ZHX3: variants seen among roughly 807,000 people sequenced by gnomAD.
The protein encoded by ZHX3 is zinc fingers and homeoboxes 3, also known as zinc fingers and homeoboxes protein 3.
Under a neutral mutation model 64.5 loss-of-function variants are expected in ZHX3, and 20 were observed. The observed-to-expected ratio is 0.31, with a 90% CI of 0.22 to 0.45. ZHX3 has a LOEUF of 0.45. Among genes scored for constraint, ZHX3 ranks in the 20% least tolerant of loss-of-function variants. ZHX3 has a pLI of 1.00. For synonymous variants in ZHX3, 423 were observed against 461.6 expected (o/e 0.92, Z 1.07); for missense variants, 1,041 against 1,195.8 (o/e 0.87, Z 1.91).
In ZHX3 at chr20:41,202,120, G is replaced by C; in HGVS notation, c.2797C>G (p.Arg933Gly). 6.2e-7 allele frequency: 1 copy of C among 1,613,856 alleles called. No individual in the cohort carries two copies. Among genetic ancestry groups the C allele is most frequent in the South Asian group, 1.1e-5 (1 of 91,004 alleles). Reference sequence around the variant, plus strand: ...GGCTCTGAGCTGGCCTCAGGGACACGGGGCTCCCACGACTCACTGTTCTCA... The same window carrying C: ...GGCTCTGAGCTGGCCTCAGGGACACCGGGCTCCCACGACTCACTGTTCTCA... Reference protein sequence around the residue: ...VSENSESWEPRVPEASSEPFD... With the variant: ...VSENSESWEPGVPEASSEPFD... The change falls in exon 3 of 4, where the codon CGT becomes GGT. Residue 933 changes from arginine (R) to glycine (G), a missense_variant. Physicochemically the swap from Arg to Gly is moderately radical, Grantham distance 125 (BLOSUM62 -2). This residue lies in a region of ZHX3 where 649 missense variants were observed against 739.8 expected (regional missense o/e 0.88). Coordinates refer to ENST00000683867, the MANE Select transcript of ZHX3 (RefSeq NM_001384317.1). This position sits in a 1 kb window ranked among gnomAD's most constrained non-coding sequence, Gnocchi z 7.0.
At position 41,204,123 on chromosome 20, in the gene ZHX3, G is replaced by A; in HGVS notation, c.794C>T (p.Pro265Leu). 1.9e-6 allele frequency: 3 copies of A among 1,605,214 alleles called. No homozygotes were observed. Among genetic ancestry groups the A allele is most frequent in the Non-Finnish European group, 2.6e-6 (3 of 1,175,422 alleles). ...GGAGAGGAACTGTGCTATGCCAGCTGGCAAAACTGGCACTGTTCCTATCAG... is the reference window on the plus strand; with the variant it reads ...GGAGAGGAACTGTGCTATGCCAGCTAGCAAAACTGGCACTGTTCCTATCAG... Reference protein sequence around the residue: ...GPLIGTVPVLPAGIAQFLSLQ... With the variant: ...GPLIGTVPVLLAGIAQFLSLQ... The change falls in exon 3 of 4, where the codon CCA becomes CTA. Residue 265 changes from proline to leucine, a missense_variant. Pro to Leu is a moderately conservative substitution (Grantham distance 98). Around this residue, in one of 4 missense-constraint regions of ZHX3, gnomAD observed 358 missense variants for 369.1 expected, o/e 0.97. Transcript: ENST00000683867. This position sits in a 1 kb window ranked among gnomAD's most constrained non-coding sequence, Gnocchi z 6.6.
At position 41,202,057 on chromosome 20, in the gene ZHX3, C is replaced by A. The variant is rs1379724462; in HGVS notation, c.2860G>T (p.Glu954Ter). The A allele has an allele frequency of 1.3e-6, 2 of 1,588,060 alleles. No individual in the cohort carries two copies. Among genetic ancestry groups the A allele is most frequent in the Non-Finnish European group, 1.7e-6 (2 of 1,166,014 alleles). Residue 954 changes from glutamate to a stop codon, truncating the protein, a stop_gained and splice_region_variant, in exon 3 of 4, where the codon GAA (glutamate) becomes TAA (stop). Transcript: ENST00000683867. LOFTEE classifies it high-confidence loss of function. The surrounding 1 kb of genome is among the most constrained non-coding windows in gnomAD (Gnocchi z 7.0). ...GCCATGGCCCCTGTGGACTCCTTAC[C>A]GAGCTGACGTCCAGCCTGGGGACTC... The part of the protein sequence containing the change: ...TSSPQAGRQL[E>*]TD
chr20:41,247,371 C>T (rs2041759504), intron 2 of ZHX3, among the ~76,000 whole-genome samples: 1 of 152,180 alleles, frequency 6.6e-6, no homozygotes, highest in Non-Finnish European at 1.5e-5. Flanking sequence ...GGGTTCTAAT[C>T]TGGACTCAGC....
intron 1 of ZHX3, among the ~76,000 whole-genome samples, chr20:41,301,777 G>A (rs562611165): frequency 5.9e-4 from 90 of 152,188 alleles, no homozygotes; most frequent in African/African-American, 2.0e-3. Context: ...AGGCCAGGCC[G>A]GGCGCGGTGG....
At chr20:41,225,645 G>A (rs372087701) in intron 2 of ZHX3, among the ~76,000 whole-genome samples, 2 of 152,132 alleles carry the variant, frequency 1.3e-5, no homozygotes, top group Admixed American at 6.5e-5. Context: ...CTACCACCAC[G>A]CAGGGCTAAT....
intron 3 of ZHX3, among the ~76,000 whole-genome samples, chr20:41,198,003 T>TTTC (rs1358422180): frequency 6.9e-6 from 1 of 145,832 alleles, no homozygotes; most frequent in African/African-American, 2.5e-5. Flanking sequence ...AGTGCTCTTT[T>TTTC]TTTTTTTTTT....
chr20:41,278,774 T>G (rs1212945832), intron 1 of ZHX3, among the ~76,000 whole-genome samples: 2 of 141,152 alleles, frequency 1.4e-5, no homozygotes, highest in Non-Finnish European at 3.1e-5. Context: ...TGCACAGTTT[T>G]TTTTTGTTTT....
rs755159385 is a variant in ZHX3 at position 41,204,255 on chromosome 20, C to T, written c.662G>A (p.Gly221Glu). 1.1e-5 allele frequency: 17 copies of T among 1,614,182 alleles called. No individual in the cohort carries two copies. The highest frequency in any genetic ancestry group is 1.3e-5 in the Non-Finnish European group (15 of 1,180,030). ...VGEALPKLST[G>E]EMEVREGDHS... is the part of the protein sequence containing the mutation. ...GTCCCCCTCTCTCACCTCCATTTCT[C>T]CAGTCGACAGCTTTGGTAAGGCCTC... Residue 221 changes from glycine (G) to glutamate (E), a missense_variant, in exon 3 of 4, where the codon GGA becomes GAA. Coordinates refer to ENST00000683867, the MANE Select transcript of ZHX3 (RefSeq NM_001384317.1). This position sits in a 1 kb window ranked among gnomAD's most constrained non-coding sequence, Gnocchi z 6.6.
chr20:41,278,922 G>A (rs576867119), intron 1 of ZHX3, among the ~76,000 whole-genome samples: 10 of 151,606 alleles, frequency 6.6e-5, no homozygotes, highest in African/African-American at 1.7e-4. Context: ...ACAGGTGCCC[G>A]CCACCACGCC....
intron 2 of ZHX3, among the ~76,000 whole-genome samples, chr20:41,254,906 G>A (rs539181472): frequency 6.6e-6 from 1 of 152,182 alleles, no homozygotes; most frequent in South Asian, 2.1e-4. Context: ...TAATGAATGT[G>A]TGCTACAGGA....
rs185130096 is a variant in ZHX3 at position 41,275,969 on chromosome 20, C to T, written c.-244-6886G>A. Among the ~76,000 whole-genome samples the T allele has an allele frequency of 6.7e-4, 102 of 152,308 alleles. 1 individual carries two copies. Among genetic ancestry groups the T allele is most frequent in the African/African-American group, 2.4e-3 (98 of 41,584 alleles). On this transcript the variant is annotated intron_variant, in intron 1 of 3. Transcript: ENST00000683867. ...AAAGATTCAGAGGATGGGTTGGATA[C>T]AGAGGCAGTGTCCGAAGAAACAGGA...
rs1429973211 is a variant in ZHX3, at chr20:41,185,938, T to C, written c.2861-737A>G. Among the ~76,000 whole-genome samples, 1 of 152,246 alleles carries C rather than the reference T, an allele frequency of 6.6e-6. No individual in the cohort carries two copies. Among genetic ancestry groups the C allele is most frequent in the Non-Finnish European group, 1.5e-5 (1 of 68,044 alleles). On this transcript the variant is annotated intron_variant, in intron 3 of 3. Coordinates refer to ENST00000683867, the MANE Select transcript of ZHX3 (RefSeq NM_001384317.1). This position sits in a 1 kb window ranked among gnomAD's most constrained non-coding sequence, Gnocchi z 5.0. Reference sequence around the variant, plus strand: ...GGATTTAGTAGCTGAGGGGAGCCAATGCTTGTCATTCAAATCCACTCATCA... The same window carrying C: ...GGATTTAGTAGCTGAGGGGAGCCAACGCTTGTCATTCAAATCCACTCATCA...
chr20:41,206,436 G>A (rs2038715758), intron 2 of ZHX3, among the ~76,000 whole-genome samples: 1 of 152,186 alleles, frequency 6.6e-6, no homozygotes, highest in South Asian at 2.1e-4. Flanking sequence ...TAACTAGAAT[G>A]AACAGTGTAG....
rs1418911721 is a variant in ZHX3 at position 41,257,960 on chromosome 20, C to CAGTG, written c.-151+11026_-151+11029dup. ...TGCTCTTGTCAGCCAGGCTGGGGTA[C>CAGTG]AGTGGCACAGCTCACTGCAACCTCC... On this transcript the variant is annotated intron_variant, in intron 2 of 3. Transcript: ENST00000683867. Among the ~76,000 whole-genome samples the CAGTG allele has an allele frequency of 6.3e-5, 9 of 142,832 alleles. 3 individuals are homozygous for CAGTG. The highest frequency in any genetic ancestry group is 2.5e-4 in the African/African-American group (9 of 35,984). The allele number at this position is 142,832 out of a possible 152,430, so 93.7% of individuals were successfully genotyped here. A position where few individuals can be genotyped will look rare whatever the true frequency, so the allele number is the denominator to read the frequency against.
At chr20:41,263,555 C>T (rs61571141) in intron 2 of ZHX3, among the ~76,000 whole-genome samples, 8,297 of 151,864 alleles carry the variant, frequency 0.055, 748 homozygotes, top group African/African-American at 0.19. Flanking sequence ...CCACCATGCC[C>T]GGCTAATTTT....
intron 2 of ZHX3, among the ~76,000 whole-genome samples, chr20:41,208,860 G>A (rs2146269872): frequency 6.6e-6 from 1 of 152,206 alleles, no homozygotes; most frequent in East Asian, 1.9e-4. Flanking sequence ...GCAGGAGAAA[G>A]AAATAAAGGT....
intron 1 of ZHX3, among the ~76,000 whole-genome samples, chr20:41,281,271 G>T (rs572378735): frequency 6.6e-6 from 1 of 152,236 alleles, no homozygotes; most frequent in East Asian, 1.9e-4. Context: ...GCAAAATAAA[G>T]TTATTTGGGT....
At chr20:41,209,642 A>G (rs1254229532) in intron 2 of ZHX3, among the ~76,000 whole-genome samples, 1 of 152,246 alleles carries the variant, frequency 6.6e-6, no homozygotes, top group East Asian at 1.9e-4. Flanking sequence ...GGCTAGCCAT[A>G]TGCAGAAAGC....
At chr20:41,262,482 T>A (rs1268737617) in intron 2 of ZHX3, among the ~76,000 whole-genome samples, 1 of 152,220 alleles carries the variant, frequency 6.6e-6, no homozygotes, top group Non-Finnish European at 1.5e-5. Flanking sequence ...AAAGCCCTGC[T>A]GGTACATACA....
Sources: gnomAD v4.1 joint callset for allele counts (sites outside exome capture counted in the v4.1 genomes callset) on GRCh38, gnomAD v4.1.1 for gene constraint, gnomAD v4.1.1 regional missense constraint, Gnocchi (gnomAD v3.1) non-coding constraint, MANE v1.5 for transcripts, NCBI Gene and HGNC (gene_info 2026-07-23, HGNC 2026-07-21) for gene names.